Variants in PLCB1 observed in about 807,000 individuals in gnomAD.
PLCB1 encodes 1-phosphatidylinositol 4,5-bisphosphate phosphodiesterase beta-1.
Under a neutral mutation model 161.8 loss-of-function variants are expected in PLCB1, and 46 were observed. That is an observed-to-expected ratio of 0.28 (90% CI 0.22 to 0.36). PLCB1 has a LOEUF of 0.36. PLCB1 is among the 10% of genes least tolerant of loss of function. The pLI is 1.00. For missense variants in PLCB1, 1,016 were observed against 1,472.5 expected (o/e 0.69, Z 5.07); for synonymous variants, 517 against 503.7 (o/e 1.03, Z -0.35).
At chr20:8,349,871 A>G (rs1986124993) in intron 2 of PLCB1, among the ~76,000 whole-genome samples, 1 of 152,132 alleles carries the variant, frequency 6.6e-6, no homozygotes, top group Non-Finnish European at 1.5e-5. Flanking sequence ...GAGGAAGAGA[A>G]TCAATATATT....
intron 3 of PLCB1, among the ~76,000 whole-genome samples, chr20:8,539,700 C>CCTTA (rs1985227666): frequency 7.7e-6 from 1 of 130,496 alleles, no homozygotes; most frequent in African/African-American, 3.0e-5. Flanking sequence ...CTTTTTCCTT[C>CCTTA]CTTCCTTCCT....
chr20:8,162,169 GT>G (rs1166952584), intron 2 of PLCB1, among the ~76,000 whole-genome samples: 2 of 152,070 alleles, frequency 1.3e-5, no homozygotes, highest in African/African-American at 4.8e-5. Flanking sequence ...GGTATTAGCT[GT>G]TTGTTTTATC....
chr20:8,435,489 G>A (rs2122592649), intron 3 of PLCB1, among the ~76,000 whole-genome samples: 1 of 152,314 alleles, frequency 6.6e-6, no homozygotes, highest in East Asian at 1.9e-4. Flanking sequence ...CCCTTCTGGA[G>A]GCAATAGACT....
rs1024191399 is a variant in PLCB1 at position 8,883,900 on chromosome 20, C to T, written c.*2051C>T. On this transcript the variant is annotated 3_prime_UTR_variant, in exon 32 of 32. Coordinates refer to ENST00000338037, the MANE Select transcript of PLCB1 (RefSeq NM_015192.4). ...ATAAAGAAGCAAGAATGGTCAAAAT[C>T]GAATGCTGCATTTTTATAAACAAAA... 5.9e-5 allele frequency: 9 copies of T among 152,502 alleles called. No homozygotes were observed. The highest frequency in any genetic ancestry group is 5.8e-4 in the East Asian group (3 of 5,186). The allele number at this position is 152,502 out of a possible 1,614,324, so 9.4% of individuals were successfully genotyped here. A position where few individuals can be genotyped will look rare whatever the true frequency, so the allele number is the denominator to read the frequency against.
At chr20:8,243,032 C>T (rs1980699721) in intron 2 of PLCB1, among the ~76,000 whole-genome samples, 1 of 152,034 alleles carries the variant, frequency 6.6e-6, no homozygotes, top group Middle Eastern at 3.4e-3. Context: ...AAATTTGCAT[C>T]GTTACGGGCA....
In PLCB1 at chr20:8,502,618, G is replaced by A. The variant is rs188522375; in HGVS notation, c.247-125676G>A. Among the ~76,000 whole-genome samples, 351 of 151,988 alleles carry A rather than the reference G, an allele frequency of 2.3e-3. 2 individuals are homozygous for A. The highest frequency in any genetic ancestry group is 0.014 in the Middle Eastern group (4 of 294). The stretch of plus-strand genomic sequence containing the variant: ...CCTTCTTATAGATAAGAAAATTTTC[G>A]GTTTGCTGATTGGTAAATTGGTAGT... On this transcript the variant is annotated intron_variant, in intron 3 of 31. Coordinates refer to ENST00000338037, the MANE Select transcript of PLCB1 (RefSeq NM_015192.4).
chr20:8,483,175 C>T (rs906464563), intron 3 of PLCB1, among the ~76,000 whole-genome samples: 1 of 152,174 alleles, frequency 6.6e-6, no homozygotes, highest in Non-Finnish European at 1.5e-5. Flanking sequence ...AAAACATATT[C>T]TCTCTCTAAT....
At chr20:8,784,576 A>C (rs63591662) in intron 27 of PLCB1, among the ~76,000 whole-genome samples, 57 of 137,806 alleles carry the variant, frequency 4.1e-4, no homozygotes, top group Non-Finnish European at 8.7e-4. Context: ...AAAAAAAAAA[A>C]GGCTGAGATG....
At chr20:8,770,102 G>A (rs1977099) in intron 26 of PLCB1, among the ~76,000 whole-genome samples, 39,639 of 151,924 alleles carry the variant, frequency 0.26, 5,881 homozygotes, top group South Asian at 0.44. Flanking sequence ...ATAGGCGCCC[G>A]CCACCACGCC....
intron 10 of PLCB1, among the ~76,000 whole-genome samples, chr20:8,693,242 T>G (rs73080020): frequency 7.2e-5 from 11 of 152,134 alleles, no homozygotes; most frequent in Non-Finnish European, 1.3e-4. Flanking sequence ...GTGAAGCTCC[T>G]ATAATCAGTA....
rs73591745 is a variant in PLCB1 at position 8,354,809 on chromosome 20, A to G, written c.178-16573A>G. Among the ~76,000 whole-genome samples the G allele has an allele frequency of 5.1e-3, 771 of 152,340 alleles. 9 individuals carry two copies. Among genetic ancestry groups the G allele is most frequent in the African/African-American group, 0.018 (732 of 41,592 alleles). ...TATTATTTCTCACTACAGAGCTAAC[A>G]TTTGAGATCATGGTTTTCTGTCAAT... On this transcript the variant is annotated intron_variant, in intron 2 of 31. Transcript: ENST00000338037.
intron 2 of PLCB1, among the ~76,000 whole-genome samples, chr20:8,303,056 T>C (rs755119418): frequency 2.0e-5 from 3 of 152,222 alleles, no homozygotes; most frequent in Non-Finnish European, 4.4e-5. Context: ...GAAATATCTA[T>C]ACAAAGAGAG....
At chr20:8,203,094 C>CGT (rs1491447933) in intron 2 of PLCB1, among the ~76,000 whole-genome samples, 5 of 132,914 alleles carry the variant, frequency 3.8e-5, no homozygotes, top group Admixed American at 7.1e-5. Flanking sequence ...TGCACACACA[C>CGT]GCGCACACAC....
chr20:8,720,885 G>T (rs1244576531), intron 14 of PLCB1, among the ~76,000 whole-genome samples: 1 of 150,636 alleles, frequency 6.6e-6, no homozygotes, highest in African/African-American at 2.4e-5. Context: ...AAGAACTTGG[G>T]ACAAAAATTT....
intron 2 of PLCB1, among the ~76,000 whole-genome samples, chr20:8,265,250 G>A (rs1981898372): frequency 3.9e-5 from 6 of 152,146 alleles, no homozygotes; most frequent in Admixed American, 1.3e-4. Context: ...GCAGTTGTGA[G>A]GATTAAATGA....
intron 9 of PLCB1, among the ~76,000 whole-genome samples, chr20:8,683,828 G>T (rs1990279474): frequency 6.6e-6 from 1 of 151,896 alleles, no homozygotes; most frequent in Non-Finnish European, 1.5e-5. Context: ...TTTCAGGAAA[G>T]ACTCATTTGT....
At chr20:8,174,021 A>G (rs764178958) in intron 2 of PLCB1, among the ~76,000 whole-genome samples, 1 of 152,160 alleles carries the variant, frequency 6.6e-6, no homozygotes, top group Non-Finnish European at 1.5e-5. Flanking sequence ...CAAAATTTCT[A>G]AGATTTCTAT....
At chr20:8,257,328 A>G (rs113233550) in intron 2 of PLCB1, among the ~76,000 whole-genome samples, 2 of 152,194 alleles carry the variant, frequency 1.3e-5, no homozygotes, top group African/African-American at 4.8e-5. Flanking sequence ...TTACAAAATT[A>G]GAGAAAATGA....
At chr20:8,538,565 T>G (rs1313970172) in intron 3 of PLCB1, among the ~76,000 whole-genome samples, 2 of 152,128 alleles carry the variant, frequency 1.3e-5, no homozygotes, top group African/African-American at 2.4e-5. Context: ...CCCACCCTTG[T>G]CTTGAGCTCC....
Sources: gnomAD v4.1 joint callset for allele counts (sites outside exome capture counted in the v4.1 genomes callset) on GRCh38, gnomAD v4.1.1 for gene constraint, MANE v1.5 for transcripts, NCBI Gene and HGNC (gene_info 2026-07-23, HGNC 2026-07-21) for gene names.